MAGEA11: variants seen among roughly 807,000 people sequenced by gnomAD.
MAGEA11 encodes the protein MAGE family member A11.
MAGEA11 carries 1 observed loss-of-function variant against 8.4 expected under a neutral mutation model. The observed-to-expected ratio is 0.12, with a 90% confidence interval of 0.04 to 0.57. MAGEA11 has a LOEUF of 0.57. Among genes scored for constraint, MAGEA11 ranks in the 20% least tolerant of loss-of-function variants. MAGEA11 has a pLI of 0.91. For synonymous variants in MAGEA11, 127 were observed against 119.3 expected (o/e 1.06, Z -0.42); for missense variants, 209 against 317.3 (o/e 0.66, Z 2.59).
intron 1 of MAGEA11, among the ~76,000 whole-genome samples, chrX:149,701,107 T>C (rs1351945516): frequency 1.8e-5 from 2 of 111,596 alleles, no homozygotes; most frequent in Non-Finnish European, 3.8e-5. Context: ...GGTCAGATGG[T>C]ATTTCTAGTT....
upstream of MAGEA11, chrX:149,688,342 C>T (rs2090294999): frequency 8.9e-6 from 1 of 112,005 alleles, no homozygotes; most frequent in African/African-American, 3.3e-5. Context: ...GGAGAGATGA[C>T]TGTTTTTAGT....
intron 1 of MAGEA11, among the ~76,000 whole-genome samples, chrX:149,697,495 T>C (rs1439186298): frequency 9.1e-6 from 1 of 109,771 alleles, no homozygotes; most frequent in African/African-American, 3.3e-5. Flanking sequence ...AGTGGAGAGG[T>C]CTTTTCGAGG....
upstream of MAGEA11, among the ~76,000 whole-genome samples, chrX:149,710,811 C>T (rs2090396665): frequency 9.1e-6 from 1 of 109,299 alleles, no homozygotes; most frequent in African/African-American, 3.3e-5. Context: ...CCCAAAACAA[C>T]CCGGGAAAAC....
chrX:149,704,891 G>T (rs147599878), intron 1 of MAGEA11, among the ~76,000 whole-genome samples: 2 of 112,823 alleles, frequency 1.8e-5, no homozygotes, highest in Non-Finnish European at 3.8e-5. Flanking sequence ...AGGACGGAGC[G>T]CAGTGCTCAT....
chrX:149,706,260 G>A (rs1805887488), intron 1 of MAGEA11, among the ~76,000 whole-genome samples: 1 of 111,976 alleles, frequency 8.9e-6, no homozygotes, highest in African/African-American at 3.2e-5. Context: ...TCTGGGACCT[G>A]GAGGAGTATA....
chrX:149,709,142 G>T (rs5983921), upstream of MAGEA11, among the ~76,000 whole-genome samples: 1,388 of 109,558 alleles, frequency 0.013, 8 homozygotes, highest in Middle Eastern at 0.023. Context: ...AAAATTAGCC[G>T]GGTGTGGTAG....
In MAGEA11 at chrX:149,716,990, G is replaced by A; in HGVS notation, c.*214G>A. 2.9e-6 allele frequency: 1 copy of A among 343,094 alleles called. No homozygotes were observed. The highest frequency in any genetic ancestry group is 5.0e-6 in the Non-Finnish European group (1 of 198,466). The allele number at this position is 343,094 out of a possible 1,213,427, so 28.3% of individuals were successfully genotyped here. A position where few individuals can be genotyped will look rare whatever the true frequency, so the allele number is the denominator to read the frequency against. The stretch of plus-strand genomic sequence containing the variant: ...AGGTTTCTCTTCCATCGGGTGACTT[G>A]GAGATTTCTTTTTGTTTCCCTTTGG... On this transcript the variant is annotated 3_prime_UTR_variant, in exon 5 of 5. Coordinates refer to ENST00000355220, the MANE Select transcript of MAGEA11 (RefSeq NM_005366.5).
chrX:149,705,164 G>T (rs1310483921), intron 1 of MAGEA11, among the ~76,000 whole-genome samples: 1 of 112,637 alleles, frequency 8.9e-6, no homozygotes, highest in Non-Finnish European at 1.9e-5. Context: ...GCACAGGGAA[G>T]AGCTGGTGAT....
chrX:149,696,384 A>G (rs991614788), intron 1 of MAGEA11, among the ~76,000 whole-genome samples: 2 of 110,305 alleles, frequency 1.8e-5, no homozygotes, highest in Non-Finnish European at 1.9e-5. Flanking sequence ...GGCTTCTTAA[A>G]GATTCACTTA....
chrX:149,716,800 C>T lies in MAGEA11; in HGVS notation c.*24C>T, dbSNP rs782077314. The T allele has an allele frequency of 3.1e-5, 36 of 1,164,605 alleles. No homozygotes were observed. The South Asian group carries it at 6.5e-4, about 21-fold the overall frequency. Reference sequence around the variant, plus strand: ...GAGCATGAGATGCAACCAGGGCCAGCGGGCAGGGAAATGGGCCAATGCATG... The same window carrying T: ...GAGCATGAGATGCAACCAGGGCCAGTGGGCAGGGAAATGGGCCAATGCATG... On this transcript the variant is annotated 3_prime_UTR_variant, in exon 5 of 5. Coordinates refer to ENST00000355220, the MANE Select transcript of MAGEA11 (RefSeq NM_005366.5).
At chrX:149,711,432 C>A (rs2090399595), upstream of MAGEA11, among the ~76,000 whole-genome samples, 1 of 111,849 alleles carries the variant, frequency 8.9e-6, no homozygotes, top group Admixed American at 9.4e-5. Flanking sequence ...TGGGGAGGAG[C>A]CCCCGTAGGA....
intron 1 of MAGEA11, among the ~76,000 whole-genome samples, chrX:149,706,787 G>T (rs1440137736): frequency 1.8e-5 from 2 of 112,253 alleles, no homozygotes; most frequent in South Asian, 3.7e-4. Flanking sequence ...GGTGATGGGG[G>T]CTCAGAGATG....
rs1388589476 is a variant in MAGEA11, at chrX:149,716,915, A to C, written c.*139A>C. ...TTTGATGAGAGAAGTCAGTGTTCTC[A>C]GTAGTAGAAGGCACAGTGAATGGAA... is the stretch of plus-strand genomic sequence containing the variant. On this transcript the variant is annotated 3_prime_UTR_variant, in exon 5 of 5. Coordinates refer to ENST00000355220, the MANE Select transcript of MAGEA11 (RefSeq NM_005366.5). The C allele has an allele frequency of 3.6e-6, 2 of 549,001 alleles. No individual in the cohort carries two copies. The highest frequency in any genetic ancestry group is 5.8e-6 in the Non-Finnish European group (2 of 346,992). The allele number at this position is 549,001 out of a possible 1,213,427, so 45.2% of individuals were successfully genotyped here. A position where few individuals can be genotyped will look rare whatever the true frequency, so the allele number is the denominator to read the frequency against.
chrX:149,717,041 T>G lies in MAGEA11; in HGVS notation c.*265T>G. ...TAATTTTCAAATATTGTTCCTGTAA[T>G]AAAAGTTTTAGTTAGCTTCAACATC... On this transcript the variant is annotated 3_prime_UTR_variant, in exon 5 of 5. Transcript: ENST00000355220. 6.9e-6 allele frequency: 2 copies of G among 290,442 alleles called. No homozygotes were observed. Among genetic ancestry groups the G allele is most frequent in the Admixed American group, 5.7e-5 (1 of 17,699 alleles). The allele number at this position is 290,442 out of a possible 1,213,427, so 23.9% of individuals were successfully genotyped here. A position where few individuals can be genotyped will look rare whatever the true frequency, so the allele number is the denominator to read the frequency against.
intron 1 of MAGEA11, among the ~76,000 whole-genome samples, chrX:149,706,699 G>A (rs1343232765): frequency 8.9e-6 from 1 of 111,829 alleles, no homozygotes; most frequent in Non-Finnish European, 1.9e-5. Flanking sequence ...GTATTGGAGA[G>A]CTGCAATTCC....
At chrX:149,714,975 C>A (rs2090419914) in intron 3 of MAGEA11, among the ~76,000 whole-genome samples, 1 of 111,751 alleles carries the variant, frequency 8.9e-6, no homozygotes, top group Non-Finnish European at 1.9e-5. Flanking sequence ...GTCAGGTCAA[C>A]AGAGGGAGGG....
intron 1 of MAGEA11, among the ~76,000 whole-genome samples, chrX:149,689,903 C>T: frequency 1.8e-5 from 2 of 112,200 alleles, no homozygotes; most frequent in Middle Eastern, 4.6e-3. Context: ...TTTATCTATT[C>T]TCTATTCTCA....
intron 1 of MAGEA11, among the ~76,000 whole-genome samples, chrX:149,689,393 A>G (rs782401404): frequency 1.8e-5 from 2 of 112,226 alleles, no homozygotes; most frequent in Non-Finnish European, 3.8e-5. Context: ...GGACACCACA[A>G]TGCATCCCAT....
rs1164755321 is a variant in MAGEA11, at chrX:149,713,379, AC to A, written c.96+127del. ...GTCTGAGGAGTGGAGCCTCAGGTCA[AC>A]CCAGGGAGGAGTCCCAGAGGGAGGA... On this transcript the variant is annotated intron_variant, in intron 2 of 4. Transcript: ENST00000355220. 3.8e-5 allele frequency: 17 copies of A among 450,548 alleles called. No individual in the cohort carries two copies. In the East Asian group the frequency reaches 6.8e-4, roughly 18 times the overall value. The allele number at this position is 450,548 out of a possible 1,213,427, so 37.1% of individuals were successfully genotyped here. A position where few individuals can be genotyped will look rare whatever the true frequency, so the allele number is the denominator to read the frequency against.
Sources: gnomAD v4.1 joint callset for allele counts (sites outside exome capture counted in the v4.1 genomes callset) on GRCh38, gnomAD v4.1.1 for gene constraint, MANE v1.5 for transcripts, NCBI Gene and HGNC (gene_info 2026-07-23, HGNC 2026-07-21) for gene names.